Variants in MYO16 observed in about 807,000 individuals in gnomAD.
MYO16 encodes the protein unconventional myosin-XVI.
MYO16 carries 94 observed loss-of-function variants against 205.3 expected under a neutral mutation model. That is an observed-to-expected ratio of 0.46 (90% CI 0.39 to 0.54). The LOEUF (loss-of-function observed/expected upper bound fraction) is 0.54, where lower values mean the gene tolerates loss of function less well. Among genes scored for constraint, MYO16 ranks in the 20% least tolerant of loss-of-function variants. The pLI is 0.00. For synonymous variants in MYO16, 988 were observed against 954.0 expected, an observed-to-expected ratio of 1.04 and a Z score of -0.66; for missense variants, 2,315 against 2,387.5, an observed-to-expected ratio of 0.97 and a Z score of 0.63.
At chr13:108,566,808 G>A in the MYO16 span, among the ~76,000 whole-genome samples, 1 of 151,482 alleles carries the variant, frequency 6.6e-6, no homozygotes. Context: ...TAATTGAGTG[G>A]GTGTTTAACT....
chr13:109,114,388 T>G (rs910027023), intron 28 of MYO16, among the ~76,000 whole-genome samples: 5 of 152,196 alleles, frequency 3.3e-5, no homozygotes, highest in Non-Finnish European at 5.9e-5. Flanking sequence ...GGTGTGTGCT[T>G]CTTTTAGTCT....
intron 12 of MYO16, among the ~76,000 whole-genome samples, chr13:108,875,888 G>A (rs1232119458): frequency 6.6e-6 from 1 of 152,102 alleles, no homozygotes; most frequent in East Asian, 1.9e-4. Context: ...AAATGAAAAC[G>A]AAAAAATGTT....
chr13:109,152,622 A>G (rs919584537), intron 32 of MYO16, among the ~76,000 whole-genome samples: 1 of 152,210 alleles, frequency 6.6e-6, no homozygotes, highest in African/African-American at 2.4e-5. Flanking sequence ...GATGTGGCAC[A>G]GCTGCTAATC....
intron 4 of MYO16, among the ~76,000 whole-genome samples, chr13:108,761,216 G>A (rs564504519): frequency 1.3e-5 from 2 of 152,218 alleles, no homozygotes; most frequent in Non-Finnish European, 2.9e-5. Flanking sequence ...TGAGCCCAGC[G>A]TTGCCCAGAG....
At chr13:108,670,806 T>G (rs16972897) in intron 2 of MYO16, among the ~76,000 whole-genome samples, 1 of 152,122 alleles carries the variant, frequency 6.6e-6, no homozygotes, top group Non-Finnish European at 1.5e-5. Context: ...TCCCAGAAAT[T>G]ATTTCACATG....
At chr13:109,042,064 A>C (rs1274992703) in intron 23 of MYO16, among the ~76,000 whole-genome samples, 1 of 151,998 alleles carries the variant, frequency 6.6e-6, no homozygotes, top group African/African-American at 2.4e-5. Context: ...AGGTTTTGCC[A>C]TGTTGACCAG....
chr13:108,658,420 T>G (rs1881339780), intron 1 of MYO16, among the ~76,000 whole-genome samples: 1 of 130,658 alleles, frequency 7.7e-6, no homozygotes, highest in South Asian at 2.8e-4. Context: ...TTTTTTTGTT[T>G]CAACTTTGTG....
chr13:109,015,342 T>C (rs1361651178), intron 22 of MYO16, among the ~76,000 whole-genome samples: 1 of 152,212 alleles, frequency 6.6e-6, no homozygotes, highest in Non-Finnish European at 1.5e-5. Flanking sequence ...AGCTCTTTGA[T>C]GTGCTGCTGG....
At chr13:108,773,679 A>G (rs1191884769) in intron 4 of MYO16, among the ~76,000 whole-genome samples, 2 of 152,240 alleles carry the variant, frequency 1.3e-5, no homozygotes, top group African/African-American at 2.4e-5. Flanking sequence ...ATAAAGCCAC[A>G]TTCACAGGTA....
chr13:109,136,899 A>G lies in MYO16; in HGVS notation c.4052-3365A>G, dbSNP rs559893335. Among the ~76,000 whole-genome samples, 3 of 152,316 alleles carry G rather than the reference A, an allele frequency of 2.0e-5. No individual in the cohort carries two copies. In the South Asian group the frequency reaches 6.2e-4, roughly 32 times the overall value. The stretch of plus-strand genomic sequence containing the variant: ...ATGTTTTTATGACTTGTCTATTGTT[A>G]TGTAACAAACCTCTCCAACTTAGTA... On this transcript the variant is annotated intron_variant, in intron 31 of 34. Transcript: ENST00000457511.
chr13:108,720,125 G>GTTTAACTATGGGTAGTTTATCT (rs1884103606), intron 3 of MYO16, among the ~76,000 whole-genome samples: 2 of 152,152 alleles, frequency 1.3e-5, no homozygotes, highest in African/African-American at 4.8e-5. Flanking sequence ...TCTATGGCAA[G>GTTTAACTATGGGTAGTTTATCT]ATAATCTGGA....
At chr13:109,195,602 A>G (rs1880122099) in intron 34 of MYO16, among the ~76,000 whole-genome samples, 1 of 152,106 alleles carries the variant, frequency 6.6e-6, no homozygotes, top group African/African-American at 2.4e-5. Flanking sequence ...TGCGATTTGC[A>G]TTTGAAACAC....
At chr13:108,832,566 T>A (rs1876681379) in intron 9 of MYO16, among the ~76,000 whole-genome samples, 1 of 152,104 alleles carries the variant, frequency 6.6e-6, no homozygotes, top group African/African-American at 2.4e-5. Context: ...AGCATGATGA[T>A]GAATAAAATC....
chr13:109,120,066 T>A (rs1875913964), intron 28 of MYO16, among the ~76,000 whole-genome samples: 2 of 152,238 alleles, frequency 1.3e-5, no homozygotes, highest in African/African-American at 4.8e-5. Flanking sequence ...ATGGGGATGC[T>A]CTTATCTTCT....
Position 109,019,839 on chromosome 13 carries a change from G to A in MYO16, c.2724G>A (p.Met908Ile). The A allele has an allele frequency of 6.2e-7, 1 of 1,614,134 alleles. No homozygotes were observed. The highest frequency in any genetic ancestry group is 8.5e-7 in the Non-Finnish European group (1 of 1,180,004). The change falls in exon 23 of 35, where the codon ATG (methionine) becomes ATA (isoleucine). Residue 908 changes from methionine to isoleucine, a missense_variant. Transcript: ENST00000457511. ...SSNTNAVYSP[M>I]KDGNGNVALK... is the part of the protein sequence containing the mutation. ...ACACAAATGCGGTGTACTCCCCCAT[G>A]AAGGATGGGAATGGGAATGTTGCCC...
chr13:108,508,613 T>G, the MYO16 span, among the ~76,000 whole-genome samples: 2 of 152,244 alleles, frequency 1.3e-5, no homozygotes, highest in African/African-American at 4.8e-5. Flanking sequence ...ATTGGATGCA[T>G]TTTTTCCTCC....
At chr13:108,890,655 C>T (rs896133322) in intron 14 of MYO16, among the ~76,000 whole-genome samples, 4 of 152,148 alleles carry the variant, frequency 2.6e-5, no homozygotes, top group Non-Finnish European at 5.9e-5. Flanking sequence ...ACTAGGCAGC[C>T]ATGTATTCAA....
At chr13:108,977,080 C>G (rs1232099730) in intron 20 of MYO16, among the ~76,000 whole-genome samples, 3 of 152,106 alleles carry the variant, frequency 2.0e-5, no homozygotes, top group Non-Finnish European at 4.4e-5. Context: ...TTTTTCATAA[C>G]AAATATATAA....
chr13:108,827,052 A>G (rs1876311579), intron 9 of MYO16, among the ~76,000 whole-genome samples: 1 of 152,172 alleles, frequency 6.6e-6, no homozygotes, highest in African/African-American at 2.4e-5. Flanking sequence ...TATCTCCCAG[A>G]TAATGAAAAT....
Sources: gnomAD v4.1 joint callset for allele counts (sites outside exome capture counted in the v4.1 genomes callset) on GRCh38, gnomAD v4.1.1 for gene constraint, MANE v1.5 for transcripts, NCBI Gene and HGNC (gene_info 2026-07-23, HGNC 2026-07-21) for gene names.